SMYD3: variants seen among roughly 807,000 people sequenced by gnomAD.
SMYD3 encodes the protein SET and MYND domain containing 3.
Under a neutral mutation model 57.7 loss-of-function variants are expected in SMYD3, and 36 were observed. The observed-to-expected ratio is 0.62, with a 90% CI of 0.48 to 0.82. The LOEUF (loss-of-function observed/expected upper bound fraction) is 0.82. Among genes scored for constraint, SMYD3 ranks in the 40% least tolerant of loss-of-function variants. The pLI, the probability that SMYD3 is intolerant of heterozygous loss-of-function variation, is 0.00. For missense variants in SMYD3, 515 were observed against 538.8 expected, an observed-to-expected ratio of 0.96 and a Z score of 0.44; for synonymous variants, 211 against 195.0, an observed-to-expected ratio of 1.08 and a Z score of -0.68.
At chr1:246,356,427 G>T (rs912439231) in intron 1 of SMYD3, among the ~76,000 whole-genome samples, 1 of 152,106 alleles carries the variant, frequency 6.6e-6, no homozygotes, top group African/African-American at 2.4e-5. Context: ...CACCAGCAAT[G>T]GATCCAAACC....
At chr1:245,833,073 A>AAAACAAAAAAAAAAAAC in intron 10 of SMYD3, among the ~76,000 whole-genome samples, 1 of 128,652 alleles carries the variant, frequency 7.8e-6, no homozygotes, top group African/African-American at 3.0e-5. Flanking sequence ...AAAAAAAAAA[A>AAAACAAAAAAAAAAAAC]AACCTGCTTT....
At chr1:246,151,238 T>C (rs1248993624) in intron 5 of SMYD3, among the ~76,000 whole-genome samples, 1 of 142,606 alleles carries the variant, frequency 7.0e-6, no homozygotes, top group Non-Finnish European at 1.5e-5. Context: ...AGAGTAAGAC[T>C]CTGTCTCAAA....
intron 1 of SMYD3, among the ~76,000 whole-genome samples, chr1:246,418,889 A>C (rs762875619): frequency 6.6e-6 from 1 of 152,108 alleles, no homozygotes; most frequent in African/African-American, 2.4e-5. Context: ...ATACATCCAG[A>C]TGGCCTGAAG....
At chr1:246,160,823 C>A (rs1292216192) in intron 5 of SMYD3, among the ~76,000 whole-genome samples, 2 of 152,150 alleles carry the variant, frequency 1.3e-5, no homozygotes, top group African/African-American at 4.8e-5. Context: ...GAAATACTTT[C>A]AGATCACATC....
At position 245,926,965 on chromosome 1, in the gene SMYD3, A is replaced by C. The variant is rs1010593659; in HGVS notation, c.702+966T>G. Among the ~76,000 whole-genome samples, 7 of 152,356 alleles carry C rather than the reference A, an allele frequency of 4.6e-5. No individual in the cohort carries two copies. The South Asian group carries it at 1.5e-3, about 32-fold the overall frequency. ...TGGAAATTTAGCGAGTAGTTGTATA[A>C]GAAGTGGCTCCTTCCACTGAAAATC... On this transcript the variant is annotated intron_variant, in intron 7 of 11. Coordinates refer to ENST00000490107, the MANE Select transcript of SMYD3 (RefSeq NM_001167740.2).
intron 5 of SMYD3, among the ~76,000 whole-genome samples, chr1:246,187,219 C>T (rs1165076795): frequency 6.7e-6 from 1 of 150,358 alleles, no homozygotes; most frequent in Non-Finnish European, 1.5e-5. Context: ...AACCCGGAGG[C>T]AGAGCCTGCA....
chr1:245,966,060 T>C (rs1218402936), intron 5 of SMYD3, among the ~76,000 whole-genome samples: 1 of 152,238 alleles, frequency 6.6e-6, no homozygotes, highest in African/African-American at 2.4e-5. Context: ...AAAAAGTTTA[T>C]TAATTTTTTA....
intron 5 of SMYD3, among the ~76,000 whole-genome samples, chr1:246,056,772 GA>G (rs77507292): frequency 3.5e-4 from 52 of 149,960 alleles, no homozygotes; most frequent in Non-Finnish European, 3.6e-4. Flanking sequence ...AAACTAAAAA[GA>G]AAAAAAAAGG....
At chr1:246,345,349 A>T (rs969629767) in intron 2 of SMYD3, among the ~76,000 whole-genome samples, 10 of 152,306 alleles carry the variant, frequency 6.6e-5, no homozygotes, top group African/African-American at 2.4e-4. Flanking sequence ...ACCTTTGTTG[A>T]AAATCAACTG....
intron 1 of SMYD3, among the ~76,000 whole-genome samples, chr1:246,391,331 G>A (rs1257303191): frequency 6.6e-6 from 1 of 150,818 alleles, no homozygotes; most frequent in Non-Finnish European, 1.5e-5. Context: ...GGTGAGCTTT[G>A]ATTCCACCAC....
At chr1:246,307,108 A>G (rs1001878656) in intron 5 of SMYD3, among the ~76,000 whole-genome samples, 1 of 152,240 alleles carries the variant, frequency 6.6e-6, no homozygotes, top group Non-Finnish European at 1.5e-5. Flanking sequence ...AGTATAAAAT[A>G]GTTTTCACAC....
rs372750053 is a variant in SMYD3 at position 246,289,696 on chromosome 1, A to G, written c.531+37505T>C. Among the ~76,000 whole-genome samples the G allele has an allele frequency of 2.6e-5, 4 of 152,282 alleles. No homozygotes were observed. In the East Asian group the frequency reaches 7.7e-4, roughly 29 times the overall value. ...TTGGTGCAGTGCATGGCACTTGGTA[A>G]ATGCTCAGTAAATGTTACTGTTCGT... On this transcript the variant is annotated intron_variant, in intron 5 of 11. Transcript: ENST00000490107.
At chr1:245,849,801 T>C (rs1186538731) in intron 10 of SMYD3, among the ~76,000 whole-genome samples, 1 of 152,216 alleles carries the variant, frequency 6.6e-6, no homozygotes, top group Non-Finnish European at 1.5e-5. Context: ...TACAGGCACA[T>C]GCCACCTCTC....
intron 5 of SMYD3, among the ~76,000 whole-genome samples, chr1:246,005,967 C>T (rs1408041197): frequency 6.6e-6 from 1 of 152,136 alleles, no homozygotes; most frequent in Non-Finnish European, 1.5e-5. Context: ...GTTTGAGAAC[C>T]TAATTGTTCC....
At chr1:245,963,832 AAAAC>A (rs1050608988) in intron 5 of SMYD3, among the ~76,000 whole-genome samples, 1 of 152,168 alleles carries the variant, frequency 6.6e-6, no homozygotes, top group Non-Finnish European at 1.5e-5. Context: ...GTCCCACAAG[AAAAC>A]AAACAAACAA....
intron 1 of SMYD3, among the ~76,000 whole-genome samples, chr1:246,410,804 CT>C (rs1271018719): frequency 2.0e-5 from 3 of 152,048 alleles, no homozygotes; most frequent in East Asian, 1.9e-4. Context: ...TGGTCCTGGA[CT>C]TTTTTTGGTT....
chr1:245,857,973 G>A (rs536195077), intron 10 of SMYD3, among the ~76,000 whole-genome samples: 5 of 152,176 alleles, frequency 3.3e-5, no homozygotes, highest in East Asian at 3.9e-4. Flanking sequence ...AGGCAGGGCC[G>A]TCTCCCTGCT....
chr1:246,167,508 T>C (rs928751829), intron 5 of SMYD3, among the ~76,000 whole-genome samples: 24 of 150,908 alleles, frequency 1.6e-4, no homozygotes, highest in African/African-American at 5.6e-4. Context: ...TACGGTTTTT[T>C]TTTCTTTTTT....
At chr1:245,813,353 A>T (rs776616438) in intron 10 of SMYD3, among the ~76,000 whole-genome samples, 13 of 152,078 alleles carry the variant, frequency 8.5e-5, no homozygotes, top group Non-Finnish European at 1.3e-4. Flanking sequence ...CTTAGATAAA[A>T]TGTATAAGGG....
Sources: gnomAD v4.1 joint callset for allele counts (sites outside exome capture counted in the v4.1 genomes callset) on GRCh38, gnomAD v4.1.1 for gene constraint, MANE v1.5 for transcripts, NCBI Gene and HGNC (gene_info 2026-07-23, HGNC 2026-07-21) for gene names.